The following DMD variants were observed in gnomAD, a reference collection of about 807,000 sequenced individuals.
DMD encodes mutant dystrophin.
DMD carries 63 observed loss-of-function variants against 330.1 expected under a neutral mutation model. The observed-to-expected ratio is 0.19, with a 90% CI of 0.16 to 0.24. DMD has a LOEUF of 0.24. Ranked by LOEUF, DMD falls within the 10% of genes least tolerant of loss-of-function variation. DMD has a pLI of 1.00. For missense variants in DMD, 3,344 were observed against 2,684.1 expected (o/e 1.25, Z -5.43); for synonymous variants, 1,223 against 959.8 (o/e 1.27, Z -5.07).
At chrX:32,640,078 T>C (rs2059354092) in intron 11 of DMD, among the ~76,000 whole-genome samples, 1 of 108,108 alleles carries the variant, frequency 9.3e-6, no homozygotes, top group Admixed American at 1.0e-4. Flanking sequence ...ATATAAGTTA[T>C]TATACAAAAT....
At chrX:32,044,735 T>C (rs144019505) in intron 44 of DMD, among the ~76,000 whole-genome samples, 1,674 of 112,268 alleles carry the variant, frequency 0.015, 35 homozygotes, top group African/African-American at 0.051. Context: ...ATCATTGTTA[T>C]TACTATCGTT....
chrX:31,327,049 C>T (rs975859109), intron 61 of DMD, among the ~76,000 whole-genome samples: 4 of 111,899 alleles, frequency 3.6e-5, no homozygotes, highest in Non-Finnish European at 5.6e-5. Flanking sequence ...TATATGACAC[C>T]GGGTTGTCCT....
intron 61 of DMD, among the ~76,000 whole-genome samples, chrX:31,335,745 C>T (rs764458623): frequency 1.8e-5 from 2 of 112,386 alleles, no homozygotes; most frequent in East Asian, 5.6e-4. Context: ...TATTATAATA[C>T]CTTTTTCTTA....
chrX:32,603,440 G>C (rs2056399654), intron 12 of DMD, among the ~76,000 whole-genome samples: 1 of 111,002 alleles, frequency 9.0e-6, no homozygotes, highest in Admixed American at 9.6e-5. Flanking sequence ...AACTAATATT[G>C]TACTTCAATG....
chrX:32,440,244 C>T (rs1191403179), intron 28 of DMD, among the ~76,000 whole-genome samples: 3 of 111,725 alleles, frequency 2.7e-5, no homozygotes, highest in Non-Finnish European at 5.7e-5. Flanking sequence ...CTGAATACGA[C>T]AAATTTATAG....
intron 2 of DMD, among the ~76,000 whole-genome samples, chrX:32,953,902 C>T (rs113016318): frequency 0.039 from 4,384 of 111,820 alleles, 220 homozygotes; most frequent in African/African-American, 0.14. Flanking sequence ...AATCTCCTTC[C>T]AGGTTAACAG....
intron 60 of DMD, among the ~76,000 whole-genome samples, chrX:31,351,850 A>C: frequency 9.1e-6 from 1 of 109,534 alleles, no homozygotes; most frequent in East Asian, 2.8e-4. Flanking sequence ...GAATTATGTT[A>C]TTTCATCTTC....
intron 44 of DMD, among the ~76,000 whole-genome samples, chrX:31,970,560 T>C (rs2095389980): frequency 9.1e-6 from 1 of 110,483 alleles, no homozygotes; most frequent in African/African-American, 3.3e-5. Flanking sequence ...TCTGGGTCAA[T>C]TTGGAATTTA....
chrX:32,735,280 G>A (rs1374675931), intron 7 of DMD, among the ~76,000 whole-genome samples: 9 of 110,241 alleles, frequency 8.2e-5, no homozygotes, highest in African/African-American at 3.0e-4. Flanking sequence ...ACAAACAAAT[G>A]GAAGAACATT....
At chrX:32,762,365 C>G (rs1338095538) in intron 7 of DMD, among the ~76,000 whole-genome samples, 1 of 111,239 alleles carries the variant, frequency 9.0e-6, no homozygotes, top group Non-Finnish European at 1.9e-5. Context: ...CACCTACCAT[C>G]TCTTCGGCAT....
At chrX:32,968,391 GA>G (rs2092248087) in intron 2 of DMD, among the ~76,000 whole-genome samples, 1 of 111,605 alleles carries the variant, frequency 9.0e-6, no homozygotes, top group South Asian at 3.7e-4. Flanking sequence ...TGAGTTTTGA[GA>G]GGATCGAATT....
chrX:33,096,852 C>T, intron 1 of DMD, among the ~76,000 whole-genome samples: 1 of 112,696 alleles, frequency 8.9e-6, no homozygotes, highest in Non-Finnish European at 1.9e-5. Context: ...TACAACAAAC[C>T]ACGTAACCAC....
intron 11 of DMD, among the ~76,000 whole-genome samples, chrX:32,630,864 G>C (rs776770133): frequency 1.8e-5 from 2 of 111,680 alleles, no homozygotes; most frequent in Admixed American, 9.5e-5. Flanking sequence ...ATGTTTTCTT[G>C]GATGGTCTTG....
In DMD at chrX:32,485,003, G is replaced by A. The variant is rs2042272040; in HGVS notation, c.2719C>T (p.Leu907=). The change falls in exon 21 of 79, where the codon CTG becomes TTG. Residue 907 remains leucine, a synonymous_variant. Coordinates refer to ENST00000357033, the MANE Select transcript of DMD (RefSeq NM_004006.3). ...LKEKGQGPMF[L]DADFVAFTNH... is the part of the protein sequence containing the mutation. ...GTAAAGGCCACAAAGTCTGCATCCAGGAACATGGGTCCTTGTCCTTTCTCT... is the reference window on the plus strand; with the variant it reads ...GTAAAGGCCACAAAGTCTGCATCCAAGAACATGGGTCCTTGTCCTTTCTCT... 1 of 1,211,472 alleles carries A rather than the reference G, an allele frequency of 8.3e-7. No individual in the cohort carries two copies. Among genetic ancestry groups the A allele is most frequent in the East Asian group, 3.0e-5 (1 of 33,823 alleles).
At chrX:32,483,556 T>G (rs1441567887) in intron 21 of DMD, among the ~76,000 whole-genome samples, 3 of 109,595 alleles carry the variant, frequency 2.7e-5, no homozygotes, top group Non-Finnish European at 5.7e-5. Context: ...GTGAAATGGC[T>G]CCTTTGCACA....
chrX:31,889,208 A>T (rs1024228337), intron 47 of DMD, among the ~76,000 whole-genome samples: 4 of 112,246 alleles, frequency 3.6e-5, no homozygotes, highest in Non-Finnish European at 5.6e-5. Flanking sequence ...TACCACACTA[A>T]AACCATATTG....
At chrX:32,860,023 GT>G in intron 2 of DMD, among the ~76,000 whole-genome samples, 1 of 111,438 alleles carries the variant, frequency 9.0e-6, no homozygotes, top group Non-Finnish European at 1.9e-5. Flanking sequence ...CATATATATT[GT>G]CTTTGTTAAC....
At chrX:31,122,853 C>G (rs181229539) in intron 78 of DMD, among the ~76,000 whole-genome samples, 2 of 111,883 alleles carry the variant, frequency 1.8e-5, no homozygotes, top group Admixed American at 1.9e-4. Context: ...TAGCAAAATT[C>G]AGATTTAGAG....
At chrX:33,325,716 A>G (rs1372149459) in intron 1 of DMD, among the ~76,000 whole-genome samples, 1 of 112,437 alleles carries the variant, frequency 8.9e-6, no homozygotes, top group Non-Finnish European at 1.9e-5. Flanking sequence ...TTTCAGGTAT[A>G]CTTTACAATA....
Sources: allele counts gnomAD v4.1 joint callset (sites outside exome capture counted in the v4.1 genomes callset), GRCh38; gene constraint gnomAD v4.1.1; transcripts MANE v1.5; gene names NCBI Gene and HGNC (gene_info 2026-07-23, HGNC 2026-07-21).